Variants in GABRR2 observed in about 807,000 individuals in gnomAD.
GABRR2 encodes gamma-aminobutyric acid type A receptor subunit rho2.
A neutral mutation model predicts 47.0 loss-of-function variants in GABRR2; 36 were observed. The ratio of observed to expected loss-of-function variants is 0.77; its 90% CI spans 0.59 to 1.01. The LOEUF is 1.01. Among genes scored for constraint, GABRR2 ranks in the 50% least tolerant of loss-of-function variants. GABRR2 has a pLI of 0.00. For missense variants in GABRR2, 587 were observed against 594.6 expected, an observed-to-expected ratio of 0.99 and a Z score of 0.13; for synonymous variants, 204 against 227.5, an observed-to-expected ratio of 0.90 and a Z score of 0.93.
chr6:89,268,002 G>A lies in GABRR2; in HGVS notation c.595+12C>T. ...GAAAGAAAGTGAAGGAATTAGGAATGCTGATACTTACAGCTCTCCAGCTCC... is the reference window on the plus strand; with the variant it reads ...GAAAGAAAGTGAAGGAATTAGGAATACTGATACTTACAGCTCTCCAGCTCC... On this transcript the variant is annotated intron_variant, in intron 5 of 8. Coordinates refer to ENST00000402938, the MANE Select transcript of GABRR2 (RefSeq NM_002043.5). The A allele has an allele frequency of 6.2e-7, 1 of 1,608,246 alleles. No homozygotes were observed. The highest frequency in any genetic ancestry group is 8.5e-7 in the Non-Finnish European group (1 of 1,175,976).
intron 1 of GABRR2, among the ~76,000 whole-genome samples, chr6:89,308,015 A>G (rs1767600918): frequency 6.6e-6 from 1 of 151,904 alleles, no homozygotes; most frequent in Non-Finnish European, 1.5e-5. Flanking sequence ...CGGGACCACC[A>G]TGTTGGTCAG....
At chr6:89,292,814 ATATATCG>A (rs1343250431) in intron 2 of GABRR2, among the ~76,000 whole-genome samples, 5 of 20,350 alleles carry the variant, frequency 2.5e-4, no homozygotes, top group African/African-American at 2.2e-3. Flanking sequence ...CGTATATACG[ATATATCG>A]TATATATCGT....
intron 2 of GABRR2, among the ~76,000 whole-genome samples, chr6:89,297,374 G>A (rs1426722629): frequency 6.6e-6 from 1 of 152,180 alleles, no homozygotes; most frequent in African/African-American, 2.4e-5. Flanking sequence ...AAGGGACCCA[G>A]CTAGGAGGGG....
intron 1 of GABRR2, among the ~76,000 whole-genome samples, chr6:89,303,608 C>T (rs1297485265): frequency 1.5e-5 from 1 of 65,044 alleles, no homozygotes; most frequent in Non-Finnish European, 3.1e-5. Flanking sequence ...CATCTGGAAT[C>T]AAAAAAAGAC....
rs367833211 is a variant in GABRR2, at chr6:89,267,717, A to T, written c.698T>A (p.Phe233Tyr). 1.2e-5 allele frequency: 20 copies of T among 1,613,842 alleles called. No homozygotes were observed. The highest frequency in any genetic ancestry group is 1.6e-5 in the Non-Finnish European group (19 of 1,179,898). ...ISLSQFLIQKFHTTSRLAFYS... is the reference protein window; with the variant it reads ...ISLSQFLIQKYHTTSRLAFYS... ...GAAGGCCAGCCTGGAAGTTGTGTGA[A>T]ATTTCTGAATCAGAAACTGAGACAA... Residue 233 changes from phenylalanine to tyrosine, a missense_variant, in exon 6 of 9, where the codon TTT becomes TAT. Coordinates refer to ENST00000402938, the MANE Select transcript of GABRR2 (RefSeq NM_002043.5).
intron 6 of GABRR2, among the ~76,000 whole-genome samples, 159 bp downstream of exon 6, chr6:89,267,520 T>C (rs1452538997): frequency 2.0e-5 from 3 of 152,192 alleles, no homozygotes; most frequent in Non-Finnish European, 4.4e-5. Context: ...TGAACCATGA[T>C]TTCGCCACTA....
chr6:89,283,795 G>T (rs1774290194), intron 2 of GABRR2, among the ~76,000 whole-genome samples: 1 of 152,194 alleles, frequency 6.6e-6, no homozygotes, highest in African/African-American at 2.4e-5. Context: ...AGGGAGAAGT[G>T]TACGGGGTGG....
intron 2 of GABRR2, among the ~76,000 whole-genome samples, chr6:89,288,611 T>C (rs1488034340): frequency 6.6e-6 from 1 of 152,214 alleles, no homozygotes; most frequent in Non-Finnish European, 1.5e-5. Flanking sequence ...TGGCTTATTA[T>C]GCAGGAGTAG....
At chr6:89,283,911 A>G (rs1256774091) in intron 2 of GABRR2, among the ~76,000 whole-genome samples, 2 of 152,204 alleles carry the variant, frequency 1.3e-5, no homozygotes, top group African/African-American at 4.8e-5. Flanking sequence ...TTTGAAGGAT[A>G]GTCATGTGGA....
intron 2 of GABRR2, among the ~76,000 whole-genome samples, chr6:89,299,039 A>G (rs1156303850): frequency 6.6e-6 from 1 of 152,166 alleles, no homozygotes; most frequent in Non-Finnish European, 1.5e-5. Flanking sequence ...TCCATTGTCT[A>G]TAAACTGCCC....
At chr6:89,296,294 T>G (rs1221099242) in intron 2 of GABRR2, among the ~76,000 whole-genome samples, 1 of 152,264 alleles carries the variant, frequency 6.6e-6, no homozygotes, top group Non-Finnish European at 1.5e-5. Context: ...ATCCCCGTCC[T>G]GCGATCATCC....
In GABRR2 at chr6:89,315,056, G is replaced by T. The variant is rs1767738995; in HGVS notation, c.110C>A (p.Pro37Gln). ...RWTGQVEMPK[P>Q]SHLYKKNLDV... is the part of the protein sequence containing the mutation. ...CCTTTCCCACCTATGACTTTACCTTGGCTTGGGCATTTCCACCTGCCCTGT... is the reference window on the plus strand; with the variant it reads ...CCTTTCCCACCTATGACTTTACCTTTGCTTGGGCATTTCCACCTGCCCTGT... Residue 37 changes from proline to glutamine, a missense_variant, in exon 1 of 9, where the codon CCA (proline) becomes CAA (glutamine). Physicochemically the swap from Pro to Gln is moderately conservative, Grantham distance 76. Coordinates refer to ENST00000402938, the MANE Select transcript of GABRR2 (RefSeq NM_002043.5). The T allele has an allele frequency of 1.2e-6, 2 of 1,612,768 alleles. No homozygotes were observed. Among genetic ancestry groups the T allele is most frequent in the Admixed American group, 3.3e-5 (2 of 59,918 alleles).
At chr6:89,298,520 G>A (rs1215866900) in intron 2 of GABRR2, among the ~76,000 whole-genome samples, 1 of 152,172 alleles carries the variant, frequency 6.6e-6, no homozygotes, top group East Asian at 1.9e-4. Flanking sequence ...GCCCCAGAAT[G>A]ATAGGACCTA....
At chr6:89,302,905 T>A (rs1200557035) in intron 1 of GABRR2, 2 of 1,174,802 alleles carry the variant, frequency 1.7e-6, no homozygotes, top group Non-Finnish European at 2.4e-6. Context: ...TTCAAGCATC[T>A]CAGAGCAGTT....
intron 2 of GABRR2, among the ~76,000 whole-genome samples, chr6:89,281,574 G>T (rs1774255457): frequency 6.6e-6 from 1 of 152,068 alleles, no homozygotes; most frequent in Non-Finnish European, 1.5e-5. Context: ...TTTTTTTAAA[G>T]GCAGTTTCTT....
chr6:89,315,083 C>T lies in GABRR2; in HGVS notation c.83G>A (p.Trp28Ter). The change falls in exon 1 of 9, where the codon TGG (tryptophan) becomes TAG (stop). Residue 28 changes from tryptophan (W) to a stop codon, truncating the protein, a stop_gained. Coordinates refer to ENST00000402938, the MANE Select transcript of GABRR2 (RefSeq NM_002043.5). LOFTEE classifies it high-confidence loss of function. Reference protein sequence around the residue: ...VESRKPKRKRWTGQVEMPKPS... With the variant: ...VESRKPKRKR Reference sequence around the variant, plus strand: ...CTTGGGCATTTCCACCTGCCCTGTCCATCGCTTCCTCTTGGGTTTTCTGCT... The same window carrying T: ...CTTGGGCATTTCCACCTGCCCTGTCTATCGCTTCCTCTTGGGTTTTCTGCT... 5.6e-6 allele frequency: 9 copies of T among 1,613,840 alleles called. No individual in the cohort carries two copies. The highest frequency in any genetic ancestry group is 7.6e-6 in the Non-Finnish European group (9 of 1,179,814).
intron 3 of GABRR2, among the ~76,000 whole-genome samples, chr6:89,270,755 G>T (rs986342377): frequency 6.6e-6 from 1 of 152,082 alleles, no homozygotes; most frequent in African/African-American, 2.4e-5. Context: ...GAGCCTCCCC[G>T]ACTTTTATTT....
At chr6:89,267,216 T>C (rs897688562) in intron 6 of GABRR2, among the ~76,000 whole-genome samples, 1 of 152,002 alleles carries the variant, frequency 6.6e-6, no homozygotes, top group African/African-American at 2.4e-5. Context: ...GCCAGGCTGG[T>C]CTCGAACTCC....
Position 89,269,089 on chromosome 6 carries a change from C to A in GABRR2, c.434G>T (p.Arg145Ile), listed in dbSNP as rs1773981565. 1 of 1,613,918 alleles carries A rather than the reference C, an allele frequency of 6.2e-7. No homozygotes were observed. The highest frequency in any genetic ancestry group is 1.1e-5 in the South Asian group (1 of 91,090). ...VPDVFFVHSK[R>I]SFTHDTTTDN... ...AGTGGTGGTGTCATGAGTGAACGAT[C>A]TTTTGGAGTGAACAAAGAAGACATC... The change falls in exon 4 of 9, where the codon AGA (arginine) becomes ATA (isoleucine). Residue 145 changes from arginine to isoleucine, a missense_variant. Transcript: ENST00000402938.
Sources: gnomAD v4.1 joint callset for allele counts (sites outside exome capture counted in the v4.1 genomes callset) on GRCh38, gnomAD v4.1.1 for gene constraint, MANE v1.5 for transcripts, NCBI Gene and HGNC (gene_info 2026-07-23, HGNC 2026-07-21) for gene names.